RARB: variants seen among roughly 807,000 people sequenced by gnomAD.
The protein encoded by RARB is retinoic acid receptor beta.
A neutral mutation model predicts 51.9 loss-of-function variants in RARB; 17 were observed. The observed-to-expected ratio is 0.33, with a 90% CI of 0.22 to 0.49. The LOEUF (loss-of-function observed/expected upper bound fraction) is 0.49, where lower values mean the gene tolerates loss of function less well. Among genes scored for constraint, RARB ranks in the 20% least tolerant of loss-of-function variants. The pLI, the probability that RARB is intolerant of heterozygous loss-of-function variation, is 0.99. For synonymous variants in RARB, 215 were observed against 195.4 expected, an observed-to-expected ratio of 1.10 and a Z score of -0.84; for missense variants, 369 against 550.8, an observed-to-expected ratio of 0.67 and a Z score of 3.30.
intron 5 of RARB, among the ~76,000 whole-genome samples, chr3:25,329,805 T>G (rs1395998901): frequency 6.6e-6 from 1 of 152,040 alleles, no homozygotes; most frequent in African/African-American, 2.4e-5. Context: ...ATAACCAGTG[T>G]AGAGAAGTCC....
chr3:24,833,093 G>T (rs1383864904), intron 1 of RARB: 1 of 152,200 alleles, frequency 6.6e-6, no homozygotes, highest in African/African-American at 2.4e-5. Flanking sequence ...CTCCAGTGTG[G>T]CTTCTGCCTC....
intron 5 of RARB, among the ~76,000 whole-genome samples, chr3:25,389,190 A>T (rs1706878643): frequency 6.6e-6 from 1 of 152,152 alleles, no homozygotes; most frequent in South Asian, 2.1e-4. Context: ...ATGGAATTCC[A>T]AGTACCAGAG....
intron 5 of RARB, among the ~76,000 whole-genome samples, chr3:25,270,646 GAT>G (rs1487145520): frequency 6.6e-6 from 1 of 152,168 alleles, no homozygotes; most frequent in Non-Finnish European, 1.5e-5. Context: ...GCCTATCACT[GAT>G]AATTAATACC....
intron 5 of RARB, among the ~76,000 whole-genome samples, chr3:25,355,882 T>A (rs1705717805): frequency 6.6e-6 from 1 of 152,138 alleles, no homozygotes; most frequent in South Asian, 2.1e-4. Context: ...AAGTCTCTTA[T>A]TTTTTTATGG....
chr3:25,332,675 G>C (rs1369095778), intron 5 of RARB, among the ~76,000 whole-genome samples: 1 of 152,172 alleles, frequency 6.6e-6, no homozygotes, highest in Non-Finnish European at 1.5e-5. Context: ...GTTCTGGCCA[G>C]GGCAATCAGG....
intron 5 of RARB, among the ~76,000 whole-genome samples, chr3:25,330,353 C>A (rs1288289240): frequency 6.6e-6 from 1 of 152,108 alleles, no homozygotes; most frequent in African/African-American, 2.4e-5. Flanking sequence ...GAGTGGGGGC[C>A]AATATTCAAC....
intron 1 of RARB, among the ~76,000 whole-genome samples, chr3:25,438,985 C>T (rs151182923): frequency 1.9e-3 from 282 of 152,288 alleles, no homozygotes; most frequent in Non-Finnish European, 3.3e-3. Flanking sequence ...TTGAAGTCTA[C>T]GCTGGCCTAG....
At chr3:25,078,507 A>G (rs998980683) in intron 3 of RARB, among the ~76,000 whole-genome samples, 1 of 150,982 alleles carries the variant, frequency 6.6e-6, no homozygotes, top group Non-Finnish European at 1.5e-5. Flanking sequence ...CTGTAACTTT[A>G]AGATAGTGCA....
intron 5 of RARB, among the ~76,000 whole-genome samples, chr3:25,359,534 T>C (rs1705861465): frequency 6.6e-6 from 1 of 152,212 alleles, no homozygotes; most frequent in African/African-American, 2.4e-5. Flanking sequence ...ATGTGTTTGC[T>C]CTTGCTTCTC....
At chr3:25,457,460 C>G (rs1311636068) in intron 1 of RARB, among the ~76,000 whole-genome samples, 3 of 152,206 alleles carry the variant, frequency 2.0e-5, no homozygotes, top group Non-Finnish European at 4.4e-5. Context: ...AGGGCTCTCA[C>G]TATTGATTAC....
At chr3:25,158,379 T>C (rs1287933276) in intron 4 of RARB, among the ~76,000 whole-genome samples, 1 of 152,220 alleles carries the variant, frequency 6.6e-6, no homozygotes, top group Non-Finnish European at 1.5e-5. Flanking sequence ...TTGCTTATAA[T>C]CTCTCCCATA....
intron 2 of RARB, among the ~76,000 whole-genome samples, chr3:25,051,977 A>G (rs1275613317): frequency 6.6e-6 from 1 of 152,162 alleles, no homozygotes; most frequent in Non-Finnish European, 1.5e-5. Context: ...TTTGACACTC[A>G]TGCTACAGGC....
chr3:25,182,839 T>A (rs1174985255), intron 5 of RARB, among the ~76,000 whole-genome samples: 1 of 152,154 alleles, frequency 6.6e-6, no homozygotes, highest in Non-Finnish European at 1.5e-5. Flanking sequence ...GTTATTAGGG[T>A]GAGCCCTAAT....
At chr3:25,583,008 G>A (rs990805118) in intron 5 of RARB, among the ~76,000 whole-genome samples, 1 of 152,168 alleles carries the variant, frequency 6.6e-6, no homozygotes. Context: ...TCAGCCCTGT[G>A]GTGGGAATCA....
chr3:24,912,600 T>C (rs777068500), intron 2 of RARB, among the ~76,000 whole-genome samples: 1 of 151,928 alleles, frequency 6.6e-6, no homozygotes, highest in African/African-American at 2.4e-5. Flanking sequence ...TAGAAACAGA[T>C]AAAAATGGAA....
chr3:25,001,644 GTGC>G (rs1477038031), intron 2 of RARB, among the ~76,000 whole-genome samples: 3 of 152,090 alleles, frequency 2.0e-5, no homozygotes, highest in African/African-American at 7.3e-5. Context: ...TTCCACTGCT[GTGC>G]TGCTGATAAG....
intron 5 of RARB, among the ~76,000 whole-genome samples, chr3:25,247,642 G>A (rs920863729): frequency 2.0e-5 from 3 of 152,158 alleles, no homozygotes; most frequent in African/African-American, 4.8e-5. Context: ...CATCCTCCAT[G>A]GGCTGCACCC....
At chr3:25,078,296 T>C (rs543252885) in intron 3 of RARB, among the ~76,000 whole-genome samples, 24 of 152,292 alleles carry the variant, frequency 1.6e-4, no homozygotes, top group Middle Eastern at 3.4e-3. Flanking sequence ...CTAACTTTTG[T>C]GTGGTATAAA....
intron 2 of RARB, among the ~76,000 whole-genome samples, chr3:24,888,512 G>A (rs1339220135): frequency 1.3e-5 from 2 of 151,898 alleles, no homozygotes; most frequent in Non-Finnish European, 2.9e-5. Flanking sequence ...GAAGTTAAAA[G>A]CTAAGACCCT....
Sources: allele counts gnomAD v4.1 joint callset (sites outside exome capture counted in the v4.1 genomes callset), GRCh38; gene constraint gnomAD v4.1.1; transcripts MANE v1.5; gene names NCBI Gene and HGNC (gene_info 2026-07-23, HGNC 2026-07-21).